The following SPMIP8 variants were observed in gnomAD, a reference collection of about 807,000 sequenced individuals.
SPMIP8 encodes the protein testicular tissue protein Li 196.
At chr16:57,987,355 C>G in the SPMIP8 span, 2 of 1,500,932 alleles carry the variant, frequency 1.3e-6, no homozygotes, top group Non-Finnish European at 1.8e-6. Context: ...TCCCCTAGGA[C>G]ACCCTGGAAA....
chr16:57,987,310 T>G, the SPMIP8 span: 1 of 1,334,098 alleles, frequency 7.5e-7, no homozygotes, highest in Non-Finnish European at 9.8e-7. Context: ...CTGGAAGCTG[T>G]GTTTTCAGAT....
the SPMIP8 span, chr16:57,984,356 C>T: frequency 6.2e-7 from 1 of 1,614,120 alleles, no homozygotes; most frequent in African/African-American, 1.3e-5. Context: ...CAAACCCCTG[C>T]AGTGTTTGGT....
At chr16:57,979,621 A>G in the SPMIP8 span, among the ~76,000 whole-genome samples, 4 of 152,226 alleles carry the variant, frequency 2.6e-5, no homozygotes, top group Non-Finnish European at 5.9e-5. Context: ...ATGCACAGCA[A>G]CAAGGCTCAC....
At chr16:57,981,573 G>A in the SPMIP8 span, among the ~76,000 whole-genome samples, 14 of 120,776 alleles carry the variant, frequency 1.2e-4, no homozygotes, top group African/African-American at 4.1e-4. Context: ...GTGCAGTGGC[G>A]CTATCTCGGC....
chr16:57,981,395 T>TA, the SPMIP8 span, among the ~76,000 whole-genome samples: 39 of 127,800 alleles, frequency 3.1e-4, no homozygotes, highest in African/African-American at 8.7e-4. Context: ...TAATAATAAT[T>TA]ATTATTATTA....
At chr16:57,985,761 G>C in the SPMIP8 span, 1 of 1,176,310 alleles carries the variant, frequency 8.5e-7, no homozygotes. Context: ...CCACCCTTGC[G>C]GAGTGGAGGC....
At chr16:57,976,609 C>T in the SPMIP8 span, 47 of 1,613,962 alleles carry the variant, frequency 2.9e-5, no homozygotes, top group Non-Finnish European at 3.7e-5. Context: ...TGGGCCTGGG[C>T]CCTACAGATA....
At chr16:57,982,944 C>T in the SPMIP8 span, among the ~76,000 whole-genome samples, 1 of 152,114 alleles carries the variant, frequency 6.6e-6, no homozygotes, top group East Asian at 1.9e-4. Flanking sequence ...GCGTGAGAAT[C>T]GCTTGAACCT....
At chr16:57,979,865 C>G in the SPMIP8 span, among the ~76,000 whole-genome samples, 1 of 152,090 alleles carries the variant, frequency 6.6e-6, no homozygotes, top group Non-Finnish European at 1.5e-5. Context: ...GTCAGAAGTT[C>G]GAGACCAGCC....
chr16:57,977,407 C>CAA, the SPMIP8 span, among the ~76,000 whole-genome samples: 6 of 99,832 alleles, frequency 6.0e-5, 1 homozygote, highest in Admixed American at 3.6e-4. Context: ...GAGACTGTCT[C>CAA]AAAAAAAAAA....
the SPMIP8 span, chr16:57,977,703 A>C: frequency 8.2e-7 from 1 of 1,216,338 alleles, no homozygotes; most frequent in Non-Finnish European, 1.2e-6. Context: ...TAGGTGCTAA[A>C]TAAATGTTTG....
chr16:57,983,992 C>A, the SPMIP8 span, among the ~76,000 whole-genome samples: 2 of 152,212 alleles, frequency 1.3e-5, no homozygotes, highest in East Asian at 3.9e-4. Flanking sequence ...AAGCTTCGAC[C>A]TCCTGGACTC....
At chr16:57,985,986 A>T in the SPMIP8 span, 2 of 1,573,458 alleles carry the variant, frequency 1.3e-6, no homozygotes, top group Non-Finnish European at 1.7e-6. Context: ...CCACGTTCTC[A>T]TCCGACTGCT....
chr16:57,985,511 C>T, the SPMIP8 span: 6 of 1,611,762 alleles, frequency 3.7e-6, no homozygotes, highest in South Asian at 6.6e-5. Flanking sequence ...CCAGCCTGGA[C>T]CGCTACGGAC....
At chr16:57,984,379 C>T in the SPMIP8 span, 1 of 1,614,206 alleles carries the variant, frequency 6.2e-7, no homozygotes, top group Middle Eastern at 1.7e-4. Flanking sequence ...GTGTCCTTTG[C>T]CCTGCCCTTG....
the SPMIP8 span, chr16:57,984,253 T>C: frequency 6.3e-7 from 1 of 1,597,848 alleles, no homozygotes; most frequent in East Asian, 2.2e-5. Flanking sequence ...CTATGACCTC[T>C]GACCACTGGT....
At chr16:57,979,089 G>A in the SPMIP8 span, among the ~76,000 whole-genome samples, 1 of 152,256 alleles carries the variant, frequency 6.6e-6, no homozygotes, top group Non-Finnish European at 1.5e-5. Flanking sequence ...GGGCAAAAGA[G>A]CCCCACGGGC....
chr16:57,976,689 C>T, the SPMIP8 span: 1 of 1,598,794 alleles, frequency 6.3e-7, no homozygotes, highest in Non-Finnish European at 8.5e-7. Context: ...GATCCCCCTC[C>T]CTGTCCCTCC....
the SPMIP8 span, among the ~76,000 whole-genome samples, chr16:57,980,690 CGTTTT>C: frequency 6.6e-6 from 1 of 152,056 alleles, no homozygotes; most frequent in African/African-American, 2.4e-5. Context: ...TTTTGCTTTT[CGTTTT>C]GTTTTGTTTT....
Sources: allele counts gnomAD v4.1 joint callset (sites outside exome capture counted in the v4.1 genomes callset), GRCh38; gene constraint gnomAD v4.1.1; transcripts MANE v1.5; gene names NCBI Gene and HGNC (gene_info 2026-07-23, HGNC 2026-07-21).